CES4A: variants seen among roughly 807,000 people sequenced by gnomAD.
The protein encoded by CES4A is carboxylesterase 4A.
A neutral mutation model predicts 65.4 loss-of-function variants in CES4A; 48 were observed. The ratio of observed to expected loss-of-function variants is 0.73; its 90% CI spans 0.58 to 0.93. CES4A has a LOEUF of 0.93. Among genes scored for constraint, CES4A ranks in the 40% least tolerant of loss-of-function variants. CES4A has a pLI of 0.00. For synonymous variants in CES4A, 247 were observed against 281.8 expected, an observed-to-expected ratio of 0.88 and a Z score of 1.24; for missense variants, 685 against 728.5, an observed-to-expected ratio of 0.94 and a Z score of 0.69.
intron 13 of CES4A, chr16:67,007,748 G>T (rs1308735812): frequency 1.3e-5 from 2 of 151,362 alleles, no homozygotes; most frequent in Non-Finnish European, 2.9e-5. Context: ...AGCCTCCCAA[G>T]TAGCTGGGAC....
intron 2 of CES4A, among the ~76,000 whole-genome samples, chr16:66,997,951 ACACAC>A: frequency 1.6e-3 from 1 of 632 alleles, no homozygotes; most frequent in African/African-American, 2.5e-3. Context: ...TATCTAAAAC[ACACAC>A]ACACACACAC....
chr16:66,988,734 T>A lies in CES4A; in HGVS notation c.-39T>A. The A allele has an allele frequency of 6.4e-7, 1 of 1,553,328 alleles. No individual in the cohort carries two copies. Among genetic ancestry groups the A allele is most frequent in the Non-Finnish European group, 8.7e-7 (1 of 1,148,098 alleles). ...ATCCACAGTGTTGCCATCCACAGTGTTGCCATCACTCCTGCCCACAGCAGG... is the reference window on the plus strand; with the variant it reads ...ATCCACAGTGTTGCCATCCACAGTGATGCCATCACTCCTGCCCACAGCAGG... On this transcript the variant is annotated 5_prime_UTR_variant, in exon 1 of 14. The change creates a new upstream start codon in the 5' untranslated region. Coordinates refer to ENST00000648724, the Ensembl canonical transcript of CES4A.
Position 67,000,742 on chromosome 16 carries a change from ACGCGCCGGCG to A in CES4A, c.371_380del (p.Pro124ArgfsTer9). 1.3e-6 allele frequency: 2 copies of A among 1,549,406 alleles called. No homozygotes were observed. The highest frequency in any genetic ancestry group is 1.7e-6 in the Non-Finnish European group (2 of 1,146,294). ...GAGGACTGTCTGTACCTGAACGTGT[ACGCGCCGGCG>A]CGCGCGCCCGGGGATCCCCAGCTGC... On this transcript the variant is annotated frameshift_variant, in exon 3 of 14. Coordinates refer to ENST00000648724, the Ensembl canonical transcript of CES4A. LOFTEE classifies it high-confidence loss of function. The surrounding 1 kb of genome is among the most constrained non-coding windows in gnomAD (Gnocchi z 4.2).
Position 67,003,348 on chromosome 16 carries a change from G to C in CES4A, c.888G>C (p.Val296=), listed in dbSNP as rs762848487. The C allele has an allele frequency of 6.2e-7, 1 of 1,613,838 alleles. No homozygotes were observed. The highest frequency in any genetic ancestry group is 8.5e-7 in the Non-Finnish European group (1 of 1,179,880). Residue 296 remains valine, a synonymous_variant, in exon 7 of 14, where the codon GTG becomes GTC. Transcript: ENST00000648724. The surrounding 1 kb of genome is among the most constrained non-coding windows in gnomAD (Gnocchi z 4.2). Reference sequence around the variant, plus strand: ...TATCAGGGACCAAGGTGATGCGTGTGTCCAACAAGATGGTAGGTAGAACAT... The same window carrying C: ...TATCAGGGACCAAGGTGATGCGTGTCTCCAACAAGATGGTAGGTAGAACAT...
chr16:66,994,653 AGT>A (rs1369807745), intron 1 of CES4A, among the ~76,000 whole-genome samples: 3 of 151,242 alleles, frequency 2.0e-5, no homozygotes, highest in Non-Finnish European at 3.0e-5. Context: ...CATCCTGGCT[AGT>A]ACGGTGAAAC....
At chr16:67,007,089 T>G in intron 13 of CES4A, 2 of 426,428 alleles carry the variant, frequency 4.7e-6, no homozygotes, top group Non-Finnish European at 8.4e-6. Context: ...CCAGCCCCAG[T>G]ACTGGGAGCT....
intron 1 of CES4A, among the ~76,000 whole-genome samples, chr16:66,994,637 A>G (rs1005922688): frequency 1.4e-5 from 2 of 147,520 alleles, no homozygotes; most frequent in Non-Finnish European, 3.0e-5. Context: ...GTCAGGAGAT[A>G]GAGACCATCC....
chr16:66,991,974 T>G (rs1964428353), intron 1 of CES4A, among the ~76,000 whole-genome samples: 1 of 151,506 alleles, frequency 6.6e-6, no homozygotes, highest in African/African-American at 2.4e-5. Flanking sequence ...AAGAAAAAAA[T>G]GAGGTGAGAT....
At chr16:66,995,258 C>A (rs973007707) in intron 1 of CES4A, among the ~76,000 whole-genome samples, 15 of 151,464 alleles carry the variant, frequency 9.9e-5, no homozygotes, top group Non-Finnish European at 4.4e-5. Context: ...TGCAGTGAGC[C>A]GAGATTGCGC....
Position 67,006,820 on chromosome 16 carries a change from G to T in CES4A, c.1517+3G>T. The T allele has an allele frequency of 6.2e-7, 1 of 1,613,886 alleles. No homozygotes were observed. The highest frequency in any genetic ancestry group is 8.5e-7 in the Non-Finnish European group (1 of 1,179,870). On this transcript the variant is annotated splice_donor_region_variant and intron_variant, in intron 13 of 13. Transcript: ENST00000648724. ...TGGGCCAACTTTGCCCGCACAGGGT[G>T]AGTCTGCCCCCCAGCACATCTGGGC...
Position 67,003,083 on chromosome 16 carries a change from T to C in CES4A, c.704T>C (p.Leu235Pro). Residue 235 changes from leucine (L) to proline (P), a missense_variant, in exon 6 of 14, where the codon CTA (leucine) becomes CCA (proline). By Grantham distance (98) the Leu-to-Pro change is moderately conservative (BLOSUM62 -3). Transcript: ENST00000648724. The surrounding 1 kb of genome is among the most constrained non-coding windows in gnomAD (Gnocchi z 4.2). The stretch of plus-strand genomic sequence containing the variant: ...CTGTTCTTGCAGATGATGTCACCCC[T>C]AGCCTCGGGTCTCTTCCATCGGGCC... The C allele has an allele frequency of 1.2e-6, 2 of 1,614,070 alleles. No homozygotes were observed. Among genetic ancestry groups the C allele is most frequent in the Non-Finnish European group, 1.7e-6 (2 of 1,179,942 alleles).
chr16:67,009,770 A>C (rs1397997926), downstream of CES4A: 1 of 152,366 alleles, frequency 6.6e-6, no homozygotes, highest in African/African-American at 2.4e-5. Context: ...GGGTGTGTGA[A>C]GTGAATGATG....
intron 10 of CES4A, 64 bp downstream of exon 10, chr16:67,004,937 C>A: frequency 3.1e-6 from 4 of 1,271,530 alleles, no homozygotes; most frequent in Non-Finnish European, 4.4e-6. Flanking sequence ...TTTTTTTTAA[C>A]CTAGTAGCTG....
At chr16:66,996,817 G>A (rs1412207102) in intron 2 of CES4A, among the ~76,000 whole-genome samples, 1 of 152,096 alleles carries the variant, frequency 6.6e-6, no homozygotes, top group Non-Finnish European at 1.5e-5. Context: ...ATTTTGATAG[G>A]CCAAGGCAGG....
At chr16:66,988,929 G>A (rs536862034) in intron 1 of CES4A, 99 bp downstream of exon 1, 39 of 1,387,378 alleles carry the variant, frequency 2.8e-5, no homozygotes, top group South Asian at 8.7e-5. Flanking sequence ...AGCAGGGCAG[G>A]AGCACTTAGA....
At chr16:66,989,519 C>A (rs1964203553) in intron 1 of CES4A, among the ~76,000 whole-genome samples, 1 of 151,754 alleles carries the variant, frequency 6.6e-6, no homozygotes, top group East Asian at 1.9e-4. Flanking sequence ...AATAGTGAGA[C>A]CTAGCCTGGG....
Position 67,004,802 on chromosome 16 carries a change from T to C in CES4A, c.1090T>C (p.Phe364Leu), listed in dbSNP as rs960549176. 18 of 1,535,906 alleles carry C rather than the reference T, an allele frequency of 1.2e-5. No homozygotes were observed. In the African/African-American group the frequency reaches 2.2e-4, roughly 19 times the overall value. ...CTTGTCTTGTGAACAGATCATGAAG[T>C]TCCCGCTAAACCGGCAGGCGATGAG... Residue 364 changes from phenylalanine (F) to leucine (L), a missense_variant, in exon 10 of 14, where the codon TTC becomes CTC. By Grantham distance (22) the Phe-to-Leu change is conservative. Transcript: ENST00000648724.
intron 2 of CES4A, among the ~76,000 whole-genome samples, chr16:66,999,012 G>A (rs1005060985): frequency 1.3e-5 from 2 of 152,348 alleles, no homozygotes; most frequent in South Asian, 2.1e-4. Flanking sequence ...ATGGTGGGAT[G>A]GGCACAGAAG....
chr16:67,006,456 C>A, exon 12 of CES4A: 1 of 1,536,580 alleles, frequency 6.5e-7, no homozygotes. Flanking sequence ...CGTCAAACCC[C>A]GCACTGATGG....
Sources: allele counts gnomAD v4.1 joint callset (sites outside exome capture counted in the v4.1 genomes callset), GRCh38; gene constraint gnomAD v4.1.1; non-coding constraint Gnocchi (gnomAD v3.1); transcripts MANE v1.5; gene names NCBI Gene and HGNC (gene_info 2026-07-23, HGNC 2026-07-21).